NSD2: variants seen among roughly 807,000 people sequenced by gnomAD.
The protein encoded by NSD2 is histone-lysine N-methyltransferase NSD2.
In NSD2, 12 loss-of-function variants were observed where a neutral mutation model predicts 139.0. The ratio of observed to expected loss-of-function variants is 0.09; its 90% CI spans 0.06 to 0.14. NSD2 has a LOEUF of 0.14. Among genes scored for constraint, NSD2 ranks in the 10% least tolerant of loss-of-function variants. The probability of loss-of-function intolerance (pLI) is 1.00; values close to 1 mark genes in which losing one functional copy is unlikely to be tolerated. For synonymous variants in NSD2, 669 were observed against 648.7 expected, an observed-to-expected ratio of 1.03 and a Z score of -0.48; for missense variants, 1,155 against 1,745.0, an observed-to-expected ratio of 0.66 and a Z score of 6.02.
intron 1 of NSD2, among the ~76,000 whole-genome samples, chr4:1,889,498 A>C (rs948865298): frequency 6.7e-6 from 1 of 148,554 alleles, no homozygotes; most frequent in Admixed American, 6.7e-5. Context: ...CCCGGCCAAG[A>C]TTTGACTTTT....
chr4:1,889,101 T>C (rs1715339107), intron 1 of NSD2, among the ~76,000 whole-genome samples: 1 of 151,814 alleles, frequency 6.6e-6, no homozygotes, highest in South Asian at 2.1e-4. Context: ...TTTCGCCATT[T>C]TGGCCAGGCT....
intron 11 of NSD2, among the ~76,000 whole-genome samples, chr4:1,952,581 A>G (rs1296484528): frequency 6.6e-6 from 1 of 152,228 alleles, no homozygotes; most frequent in African/African-American, 2.4e-5. Flanking sequence ...ACAGTGCAGC[A>G]TTAAGGGTAC....
intron 5 of NSD2, among the ~76,000 whole-genome samples, chr4:1,923,754 CCA>C (rs920026888): frequency 2.0e-4 from 31 of 152,254 alleles, no homozygotes; most frequent in African/African-American, 7.2e-4. Flanking sequence ...CGCAGAGAGA[CCA>C]CAGTGTCCAA....
intron 3 of NSD2, among the ~76,000 whole-genome samples, chr4:1,911,320 G>T (rs980370880): frequency 2.6e-5 from 4 of 152,108 alleles, no homozygotes; most frequent in Admixed American, 6.6e-5. Context: ...AGGTGCAGTG[G>T]CTCATGCCTA....
chr4:1,942,140 A>G lies in NSD2; in HGVS notation c.1881+2362A>G. On this transcript the variant is annotated intron_variant, in intron 9 of 21. Coordinates refer to ENST00000508803, the MANE Select transcript of NSD2 (RefSeq NM_001042424.3). The surrounding 1 kb of genome is among the most constrained non-coding windows in gnomAD (Gnocchi z 4.0). ...AGTTTAAATTCTTCTTGAAAAAGGT[A>G]TATGTGATAAATAAAAATTTTTATT... The G allele has an allele frequency of 3.9e-6, 5 of 1,296,858 alleles. No individual in the cohort carries two copies. Among genetic ancestry groups the G allele is most frequent in the Non-Finnish European group, 4.9e-6 (5 of 1,020,258 alleles). 80.3% of individuals were successfully genotyped at this position (1,296,858 alleles called of 1,614,324 possible).
At chr4:1,957,815 G>T in intron 15 of NSD2, 118 bp from the exon 16 acceptor site, 1 of 982,252 alleles carries the variant, frequency 1.0e-6, no homozygotes, top group East Asian at 2.6e-5. Context: ...CTAGTTTTAT[G>T]GGAACCAGAA....
At chr4:1,932,867 G>A (rs933323792) in intron 6 of NSD2, among the ~76,000 whole-genome samples, 1 of 152,248 alleles carries the variant, frequency 6.6e-6, no homozygotes, top group Admixed American at 6.5e-5. Flanking sequence ...TCGAGGATGT[G>A]CTGTGTCAAG....
intron 1 of NSD2, among the ~76,000 whole-genome samples, chr4:1,880,314 T>C (rs181548499): frequency 1.7e-4 from 26 of 152,268 alleles, no homozygotes; most frequent in Admixed American, 9.8e-4. Flanking sequence ...TTAGAACTCC[T>C]GCAGGGCCTG....
chr4:1,922,415 T>C (rs138690494), intron 5 of NSD2, among the ~76,000 whole-genome samples: 1 of 152,362 alleles, frequency 6.6e-6, no homozygotes, highest in African/African-American at 2.4e-5. Context: ...ACTGATATTT[T>C]AGCAGACCTC....
chr4:1,909,229 G>A (rs924003458), intron 3 of NSD2, among the ~76,000 whole-genome samples: 1 of 152,078 alleles, frequency 6.6e-6, no homozygotes, highest in African/African-American at 2.4e-5. Context: ...ACAACAAGAT[G>A]TTCCAGGCTC....
intron 1 of NSD2, among the ~76,000 whole-genome samples, chr4:1,898,993 A>T (rs943297999): frequency 6.6e-6 from 1 of 151,804 alleles, no homozygotes; most frequent in Admixed American, 6.6e-5. Context: ...GTGGTTTTTT[A>T]TGTTTTGTCC....
At chr4:1,883,301 C>T (rs1714840693) in intron 1 of NSD2, among the ~76,000 whole-genome samples, 1 of 151,976 alleles carries the variant, frequency 6.6e-6, no homozygotes, top group East Asian at 1.9e-4. Flanking sequence ...TCTCAATGAA[C>T]CCCACCTTGA....
intron 1 of NSD2, 29 bp downstream of exon 1, chr4:1,871,571 G>C (rs890799971): frequency 2.0e-5 from 3 of 151,192 alleles, no homozygotes; most frequent in Non-Finnish European, 4.4e-5. Flanking sequence ...CAACAGTCGC[G>C]GGCCGCCAAC....
rs771158425 is a variant in NSD2, at chr4:1,955,114, C to G, written c.2339-47C>G. On this transcript the variant is annotated intron_variant, in intron 12 of 21. Transcript: ENST00000508803. This position sits in a 1 kb window ranked among gnomAD's most constrained non-coding sequence, Gnocchi z 4.7. ...TTATTAGTTGCTCTTTTCACTATGA[C>G]TGGAGTCAGTGTTTGGGGTCCTTAG... 1 of 1,551,224 alleles carries G rather than the reference C, an allele frequency of 6.4e-7. No individual in the cohort carries two copies. Among genetic ancestry groups the G allele is most frequent in the Non-Finnish European group, 8.8e-7 (1 of 1,134,970 alleles).
intron 9 of NSD2, chr4:1,940,284 A>G (rs1722954334): frequency 9.3e-7 from 1 of 1,072,814 alleles, no homozygotes; most frequent in East Asian, 4.8e-5. Context: ...TTGGTCCTTT[A>G]AATTCTGGCA....
At chr4:1,906,111 T>C (rs1053941803) in intron 3 of NSD2, among the ~76,000 whole-genome samples, 2 of 152,176 alleles carry the variant, frequency 1.3e-5, no homozygotes, top group Admixed American at 6.5e-5. Context: ...TCTTACTGAT[T>C]TCCTTTTTAG....
At chr4:1,883,188 C>CT (rs1443754840) in intron 1 of NSD2, among the ~76,000 whole-genome samples, 5 of 152,166 alleles carry the variant, frequency 3.3e-5, no homozygotes, top group African/African-American at 4.8e-5. Context: ...AGATAGCATT[C>CT]TTTCTGTGTG....
At chr4:1,946,618 T>C in intron 9 of NSD2, 2 of 1,030,584 alleles carry the variant, frequency 1.9e-6, no homozygotes, top group Non-Finnish European at 2.3e-6. Context: ...TTTAGGACTT[T>C]TTGTCAACGA....
intron 2 of NSD2, among the ~76,000 whole-genome samples, chr4:1,901,466 G>C (rs1717168142): frequency 6.6e-6 from 1 of 152,240 alleles, no homozygotes; most frequent in African/African-American, 2.4e-5. Flanking sequence ...TGCTGAGCCA[G>C]TTGAGAGGTC....
Sources: gnomAD v4.1 joint callset for allele counts (sites outside exome capture counted in the v4.1 genomes callset) on GRCh38, gnomAD v4.1.1 for gene constraint, Gnocchi (gnomAD v3.1) non-coding constraint, MANE v1.5 for transcripts, NCBI Gene and HGNC (gene_info 2026-07-23, HGNC 2026-07-21) for gene names.